MBD5: variants seen among roughly 807,000 people sequenced by gnomAD.
MBD5 encodes methyl-CpG-binding domain protein 5.
Under a neutral mutation model 117.3 loss-of-function variants are expected in MBD5, and 13 were observed. The observed-to-expected ratio is 0.11, with a 90% CI of 0.07 to 0.18. The LOEUF (loss-of-function observed/expected upper bound fraction) is 0.18. Ranked by LOEUF, MBD5 falls within the 10% of genes least tolerant of loss-of-function variation. MBD5 has a pLI of 1.00. For missense variants in MBD5, 1,879 were observed against 2,093.8 expected (o/e 0.90, Z 2.00); for synonymous variants, 727 against 766.4 (o/e 0.95, Z 0.85).
At chr2:148,029,552 G>T (rs1427977777) in intron 1 of MBD5, among the ~76,000 whole-genome samples, 1 of 151,980 alleles carries the variant, frequency 6.6e-6, no homozygotes, top group Non-Finnish European at 1.5e-5. Flanking sequence ...TGTTCTTATT[G>T]TTTTAAGTAT....
At chr2:148,410,961 T>C (rs1051115921) in intron 4 of MBD5, among the ~76,000 whole-genome samples, 15 of 152,148 alleles carry the variant, frequency 9.9e-5, no homozygotes, top group Admixed American at 7.2e-4. Flanking sequence ...ATCAGCCAGG[T>C]AATAACCATA....
intron 1 of MBD5, among the ~76,000 whole-genome samples, chr2:148,033,445 T>C (rs1335410708): frequency 6.6e-6 from 1 of 152,196 alleles, no homozygotes; most frequent in African/African-American, 2.4e-5. Context: ...TATTTTTCTT[T>C]TAACTTATTG....
At chr2:148,473,510 C>T (rs1057003978) in intron 8 of MBD5, among the ~76,000 whole-genome samples, 38 of 152,052 alleles carry the variant, frequency 2.5e-4, no homozygotes, top group African/African-American at 8.9e-4. Context: ...TGCCTTTTTC[C>T]ACTCTTCTAA....
intron 2 of MBD5, among the ~76,000 whole-genome samples, chr2:148,180,991 AAG>A (rs1029157372): frequency 2.0e-5 from 3 of 152,160 alleles, no homozygotes; most frequent in Admixed American, 6.5e-5. Context: ...TGAAAAGGAA[AAG>A]AGAGAATATT....
chr2:148,247,200 C>T (rs976694694), intron 3 of MBD5, among the ~76,000 whole-genome samples: 6 of 152,110 alleles, frequency 3.9e-5, no homozygotes, highest in Admixed American at 3.9e-4. Flanking sequence ...ATAAATATTA[C>T]TTTTTATTCA....
intron 4 of MBD5, among the ~76,000 whole-genome samples, chr2:148,417,483 A>G (rs936087592): frequency 6.6e-6 from 1 of 151,906 alleles, no homozygotes. Flanking sequence ...CAGTAGTGGG[A>G]TTGCTGCATC....
intron 1 of MBD5, among the ~76,000 whole-genome samples, chr2:148,079,354 C>T (rs1216649350): frequency 1.3e-5 from 2 of 152,206 alleles, no homozygotes; most frequent in East Asian, 1.9e-4. Context: ...CAAGCTCAAT[C>T]GATGAGGATA....
intron 4 of MBD5, among the ~76,000 whole-genome samples, chr2:148,410,341 C>T (rs1365102177): frequency 2.6e-5 from 4 of 152,160 alleles, no homozygotes; most frequent in African/African-American, 9.7e-5. Flanking sequence ...ATTTTCTCTT[C>T]TCAGTCTGTC....
At chr2:148,114,044 T>C (rs1274084146) in intron 1 of MBD5, among the ~76,000 whole-genome samples, 1 of 152,200 alleles carries the variant, frequency 6.6e-6, no homozygotes, top group Non-Finnish European at 1.5e-5. Flanking sequence ...TATTGTGTAG[T>C]TTTTCCATGA....
At chr2:148,028,967 C>T (rs1238387297) in intron 1 of MBD5, among the ~76,000 whole-genome samples, 6 of 152,034 alleles carry the variant, frequency 3.9e-5, no homozygotes, top group African/African-American at 7.2e-5. Flanking sequence ...TTATGCTTCC[C>T]ATCTCTGTTC....
intron 1 of MBD5, among the ~76,000 whole-genome samples, chr2:148,140,589 A>G (rs1402828728): frequency 1.3e-5 from 2 of 152,210 alleles, no homozygotes; most frequent in Admixed American, 6.5e-5. Context: ...TTCTAGCTCT[A>G]TATTTATCTG....
At chr2:148,109,804 C>T (rs777140972) in intron 1 of MBD5, among the ~76,000 whole-genome samples, 24 of 152,054 alleles carry the variant, frequency 1.6e-4, no homozygotes, top group Non-Finnish European at 2.5e-4. Context: ...GTATTTTCTA[C>T]AATGATCTGA....
intron 7 of MBD5, among the ~76,000 whole-genome samples, chr2:148,465,405 A>C (rs1707230004): frequency 6.6e-6 from 1 of 152,182 alleles, no homozygotes; most frequent in Admixed American, 6.6e-5. Context: ...AATGCTCTCT[A>C]AAATATTATA....
At chr2:148,204,088 GA>G (rs1185450787) in intron 2 of MBD5, among the ~76,000 whole-genome samples, 8 of 151,960 alleles carry the variant, frequency 5.3e-5, no homozygotes, top group African/African-American at 1.7e-4. Context: ...AAAGAGAAGA[GA>G]AAAAATGAAT....
At chr2:148,025,629 CAG>C (rs1693871069) in intron 1 of MBD5, 1 of 150,538 alleles carries the variant, frequency 6.6e-6, no homozygotes, top group Non-Finnish European at 1.5e-5. Flanking sequence ...TCTCATATAA[CAG>C]ATTATCATTC....
chr2:148,197,707 T>C lies in MBD5; in HGVS notation c.-831+18914T>C, dbSNP rs528787929. On this transcript the variant is annotated intron_variant, in intron 2 of 13. Transcript: ENST00000642680. ...TTAGGTTACTTATAACATTTTGCTG[T>C]TATATGTGATTTAGTGTTTTCTTTC... Among the ~76,000 whole-genome samples the C allele has an allele frequency of 1.3e-3, 191 of 152,282 alleles. 1 individual carries two copies. The highest frequency in any genetic ancestry group is 3.9e-3 in the South Asian group (19 of 4,824).
intron 1 of MBD5, chr2:148,027,281 CTTG>C (rs1693923259): frequency 2.0e-5 from 3 of 152,070 alleles, no homozygotes; most frequent in East Asian, 3.9e-4. Flanking sequence ...GAATGATCAA[CTTG>C]TTGGGTTCTC....
chr2:148,054,734 G>A (rs1394938481), intron 1 of MBD5: 1 of 151,998 alleles, frequency 6.6e-6, no homozygotes, highest in African/African-American at 2.4e-5. Flanking sequence ...AAAAACAAGA[G>A]TTTGCTCACA....
At chr2:148,404,644 C>T (rs149240243) in intron 4 of MBD5, among the ~76,000 whole-genome samples, 2 of 152,306 alleles carry the variant, frequency 1.3e-5, no homozygotes, top group East Asian at 1.9e-4. Context: ...AAGCTAGGGA[C>T]GTTCTAGGGA....
Sources: allele counts gnomAD v4.1 joint callset (sites outside exome capture counted in the v4.1 genomes callset), GRCh38; gene constraint gnomAD v4.1.1; transcripts MANE v1.5; gene names NCBI Gene and HGNC (gene_info 2026-07-23, HGNC 2026-07-21).